Variants in SYAP1 observed in about 807,000 individuals in gnomAD.
SYAP1 encodes the protein synapse associated protein 1.
In SYAP1, 3 loss-of-function variants were observed where a neutral mutation model predicts 29.6. The ratio of observed to expected loss-of-function variants is 0.10; its 90% CI spans 0.05 to 0.26. SYAP1 has a LOEUF of 0.26. Ranked by LOEUF, SYAP1 falls within the 10% of genes least tolerant of loss-of-function variation. The probability of loss-of-function intolerance (pLI) is 1.00; values close to 1 mark genes in which losing one functional copy is unlikely to be tolerated. For missense variants in SYAP1, 217 were observed against 264.1 expected (o/e 0.82, Z 1.24); for synonymous variants, 102 against 102.7 (o/e 0.99, Z 0.04).
At chrX:16,736,502 C>T in intron 3 of SYAP1, 3 of 229,162 alleles carry the variant, frequency 1.3e-5, no homozygotes, top group Non-Finnish European at 2.4e-5. Flanking sequence ...TTCTGACTTT[C>T]TCTTTTCTTT....
intron 1 of SYAP1, among the ~76,000 whole-genome samples, chrX:16,729,483 CG>C (rs1926158664): frequency 1.2e-5 from 1 of 86,250 alleles, no homozygotes; most frequent in African/African-American, 5.6e-5. Context: ...TTGATTTTAT[CG>C]ATTTTTTTTT....
rs771939695 is a variant in SYAP1, at chrX:16,743,971, C to G, written c.575+131C>G. ...CAGGCCCCGCAGCCCTTTGGCAGCT[C>G]CCCTGGTCAGGGCACTCTGGAATCA... On this transcript the variant is annotated intron_variant, in intron 5 of 8. Transcript: ENST00000380155. The G allele has an allele frequency of 2.7e-4, 200 of 733,681 alleles. 1 individual carries two copies. Among genetic ancestry groups the G allele is most frequent in the South Asian group, 3.3e-4 (11 of 33,144 alleles). The allele number at this position is 733,681 out of a possible 1,213,427, so 60.5% of individuals were successfully genotyped here. A position where few individuals can be genotyped will look rare whatever the true frequency, so the allele number is the denominator to read the frequency against.
intron 1 of SYAP1, among the ~76,000 whole-genome samples, chrX:16,721,597 G>A (rs780002335): frequency 1.8e-5 from 2 of 111,851 alleles, no homozygotes; most frequent in Non-Finnish European, 3.8e-5. Context: ...GCACGATCTC[G>A]GCTCATTGCA....
chrX:16,760,439 G>T lies in SYAP1; in HGVS notation c.*80G>T. 3 of 936,727 alleles carry T rather than the reference G, an allele frequency of 3.2e-6. No homozygotes were observed. The highest frequency in any genetic ancestry group is 4.3e-6 in the Non-Finnish European group (3 of 705,841). 77.2% of individuals were successfully genotyped at this position (936,727 alleles called of 1,213,427 possible). On this transcript the variant is annotated 3_prime_UTR_variant, in exon 9 of 9. Transcript: ENST00000380155. ...CTAGATGTTGACAATTACTGAATCA[G>T]AAGGCATGAAAGAGTATAATTTTAT...
chrX:16,737,269 C>T lies in SYAP1; in HGVS notation c.361+1037C>T, dbSNP rs1016986511. ...GTGTGGTGGTGCACACCTGTAGTCC[C>T]AGCTACTTGGGAGGTTGAGACAGGA... On this transcript the variant is annotated intron_variant, in intron 3 of 8. Transcript: ENST00000380155. 1.2e-4 allele frequency among the ~76,000 whole-genome samples: 13 copies of T among 111,364 alleles called. 1 individual carries two copies. Among genetic ancestry groups the T allele is most frequent in the Admixed American group, 9.6e-4 (10 of 10,412 alleles).
Position 16,756,714 on chromosome X carries a change from C to T in SYAP1, c.776C>T (p.Thr259Ile). The T allele has an allele frequency of 8.3e-7, 1 of 1,209,479 alleles. No homozygotes were observed. The highest frequency in any genetic ancestry group is 1.1e-6 in the Non-Finnish European group (1 of 893,483). The change falls in exon 7 of 9, where the codon ACT (threonine) becomes ATT (isoleucine). Residue 259 changes from threonine (T) to isoleucine (I), a missense_variant. By Grantham distance (89) the Thr-to-Ile change is moderately conservative (BLOSUM62 -1). Coordinates refer to ENST00000380155, the MANE Select transcript of SYAP1 (RefSeq NM_032796.4). ...PPVVIKSQLKTQEDEEEISTS... is the reference protein window; with the variant it reads ...PPVVIKSQLKIQEDEEEISTS... ...GTTGTAATCAAATCTCAGCTTAAAA[C>T]TCAAGAGGTAATCCAGTTTTACATT...
chrX:16,721,910 C>T (rs774203409), intron 1 of SYAP1, among the ~76,000 whole-genome samples: 1 of 111,812 alleles, frequency 8.9e-6, no homozygotes, highest in East Asian at 2.8e-4. Context: ...TCTTTCTGCT[C>T]ACCAGATTCT....
intron 5 of SYAP1, among the ~76,000 whole-genome samples, chrX:16,750,795 T>C (rs769888207): frequency 1.0e-5 from 1 of 99,017 alleles, no homozygotes; most frequent in Non-Finnish European, 2.0e-5. Context: ...TGAGACAGAG[T>C]CTCACTCTGT....
At chrX:16,735,494 C>G in intron 2 of SYAP1, 149 bp downstream of exon 2, 3 of 399,121 alleles carry the variant, frequency 7.5e-6, no homozygotes, top group Non-Finnish European at 4.3e-6. Flanking sequence ...GTTTTTTCCT[C>G]TCTTTGAATA....
chrX:16,737,247 T>C (rs1256006638), intron 3 of SYAP1, among the ~76,000 whole-genome samples: 2 of 111,438 alleles, frequency 1.8e-5, no homozygotes, highest in African/African-American at 6.5e-5. Context: ...CAGATGGGTG[T>C]GGTGGTGCAC....
Position 16,743,845 on chromosome X carries a change from G to A in SYAP1, c.575+5G>A. On this transcript the variant is annotated splice_donor_5th_base_variant and intron_variant, in intron 5 of 8. Coordinates refer to ENST00000380155, the MANE Select transcript of SYAP1 (RefSeq NM_032796.4). Reference sequence around the variant, plus strand: ...ATTTGCCCTCGTTCCTAAACTGTAAGCAGAGTGTTCTCCAGCGTTTCCTCA... The same window carrying A: ...ATTTGCCCTCGTTCCTAAACTGTAAACAGAGTGTTCTCCAGCGTTTCCTCA... 8.3e-7 allele frequency: 1 copy of A among 1,208,551 alleles called. No individual in the cohort carries two copies. Among genetic ancestry groups the A allele is most frequent in the Non-Finnish European group, 1.1e-6 (1 of 893,921 alleles).
chrX:16,722,474 G>C (rs1925984350), intron 1 of SYAP1, among the ~76,000 whole-genome samples: 1 of 107,962 alleles, frequency 9.3e-6, no homozygotes, highest in Non-Finnish European at 1.9e-5. Context: ...GTTGCAGTGA[G>C]CCGAGATCGC....
intron 3 of SYAP1, among the ~76,000 whole-genome samples, chrX:16,739,977 A>G (rs780576371): frequency 9.0e-6 from 1 of 111,191 alleles, no homozygotes; most frequent in African/African-American, 3.3e-5. Context: ...GATCACGCAG[A>G]TCTGCAGCCT....
At chrX:16,759,124 G>A (rs182041503) in intron 8 of SYAP1, among the ~76,000 whole-genome samples, 8 of 107,449 alleles carry the variant, frequency 7.4e-5, no homozygotes, top group African/African-American at 2.7e-4. Flanking sequence ...CCCAGGAAGC[G>A]GAGCTTGCAG....
At chrX:16,720,932 G>T (rs1226243374) in intron 1 of SYAP1, among the ~76,000 whole-genome samples, 1 of 110,434 alleles carries the variant, frequency 9.1e-6, no homozygotes, top group Non-Finnish European at 1.9e-5. Context: ...AGAATCGCTT[G>T]AACTGGGGAG....
intron 1 of SYAP1, among the ~76,000 whole-genome samples, chrX:16,722,548 C>A (rs1317212813): frequency 9.2e-6 from 1 of 108,622 alleles, no homozygotes; most frequent in Non-Finnish European, 1.9e-5. Context: ...AAAAAAAAAT[C>A]TCCTGGGAGC....
intron 8 of SYAP1, among the ~76,000 whole-genome samples, chrX:16,758,903 G>T (rs1926913626): frequency 9.1e-6 from 1 of 109,853 alleles, no homozygotes; most frequent in African/African-American, 3.3e-5. Flanking sequence ...TTAAAGACAG[G>T]CTGGGCACGG....
At chrX:16,730,341 G>A (rs1055032759) in intron 1 of SYAP1, among the ~76,000 whole-genome samples, 5 of 112,780 alleles carry the variant, frequency 4.4e-5, no homozygotes, top group South Asian at 3.6e-4. Flanking sequence ...GCGAAAGAGC[G>A]AAACTCTGTC....
chrX:16,727,802 A>G (rs1428386263), intron 1 of SYAP1, among the ~76,000 whole-genome samples: 1 of 111,914 alleles, frequency 8.9e-6, no homozygotes, highest in Non-Finnish European at 1.9e-5. Flanking sequence ...GAAACCCTGT[A>G]CAGGGACTGT....
Sources: gnomAD v4.1 joint callset for allele counts (sites outside exome capture counted in the v4.1 genomes callset) on GRCh38, gnomAD v4.1.1 for gene constraint, MANE v1.5 for transcripts, NCBI Gene and HGNC (gene_info 2026-07-23, HGNC 2026-07-21) for gene names.